The following GAPVD1 variants were observed in gnomAD, a reference collection of about 807,000 sequenced individuals.
GAPVD1 encodes the protein GTPase activating protein and VPS9 domains 1, also known as GTPase-activating protein and VPS9 domain-containing protein 1.
GAPVD1 carries 35 observed loss-of-function variants against 155.5 expected under a neutral mutation model. The observed-to-expected ratio is 0.23, with a 90% CI of 0.17 to 0.30. GAPVD1 has a LOEUF of 0.30. Among genes scored for constraint, GAPVD1 ranks in the 10% least tolerant of loss-of-function variants. The pLI, the probability that GAPVD1 is intolerant of heterozygous loss-of-function variation, is 1.00. For missense variants in GAPVD1, 1,429 were observed against 1,775.7 expected (o/e 0.80, Z 3.51); for synonymous variants, 636 against 619.7 (o/e 1.03, Z -0.39).
intron 1 of GAPVD1, chr9:125,263,650 C>CCAGCCT (rs1833342299): frequency 9.8e-7 from 1 of 1,024,350 alleles, no homozygotes; most frequent in Admixed American, 1.7e-5. Context: ...TGACCCAGCC[C>CCAGCCT]CAGCCTCAGC....
At chr9:125,332,987 A>G (rs573404342) in intron 15 of GAPVD1, among the ~76,000 whole-genome samples, 1 of 152,368 alleles carries the variant, frequency 6.6e-6, no homozygotes, top group African/African-American at 2.4e-5. Flanking sequence ...TTTAAAATGC[A>G]TTAAGGAATA....
chr9:125,339,092 C>T (rs1267819271), intron 17 of GAPVD1, among the ~76,000 whole-genome samples: 1 of 152,134 alleles, frequency 6.6e-6, no homozygotes, highest in East Asian at 1.9e-4. Flanking sequence ...GGCAATCCTC[C>T]CGCTTTGGCC....
intron 2 of GAPVD1, among the ~76,000 whole-genome samples, chr9:125,275,915 C>T (rs1835710244): frequency 6.6e-6 from 1 of 152,132 alleles, no homozygotes; most frequent in African/African-American, 2.4e-5. Flanking sequence ...TTGATATTGT[C>T]TCAGTTGAGT....
At chr9:125,352,823 G>A (rs746553238) in intron 23 of GAPVD1, among the ~76,000 whole-genome samples, 25 of 152,018 alleles carry the variant, frequency 1.6e-4, no homozygotes, top group Non-Finnish European at 3.2e-4. Context: ...AAAACTGTAT[G>A]CTGGCCAGCA....
At chr9:125,334,022 G>A (rs1340722250) in intron 15 of GAPVD1, among the ~76,000 whole-genome samples, 2 of 152,068 alleles carry the variant, frequency 1.3e-5, no homozygotes, top group Non-Finnish European at 2.9e-5. Context: ...GGACAAAATA[G>A]CCACCAATCA....
At chr9:125,283,348 C>G (rs1396435178) in intron 2 of GAPVD1, among the ~76,000 whole-genome samples, 1 of 151,476 alleles carries the variant, frequency 6.6e-6, no homozygotes, top group South Asian at 2.1e-4. Context: ...TGTGAGCCAC[C>G]GCACCCAGCT....
intron 12 of GAPVD1, among the ~76,000 whole-genome samples, chr9:125,328,548 A>G (rs927800490): frequency 4.9e-5 from 7 of 144,166 alleles, no homozygotes; most frequent in East Asian, 4.0e-4. Context: ...ATCCCAAGGC[A>G]GAAGAATTTT....
intron 27 of GAPVD1, 66 bp downstream of exon 27, chr9:125,360,791 A>C (rs1850795435): frequency 1.7e-6 from 2 of 1,156,552 alleles, no homozygotes; most frequent in African/African-American, 1.5e-5. Flanking sequence ...ACAGGGCTTC[A>C]CACAACCATA....
chr9:125,350,366 C>T lies in GAPVD1; in HGVS notation c.3371C>T (p.Ser1124Leu). 6.2e-7 allele frequency: 1 copy of T among 1,608,698 alleles called. No homozygotes were observed. Among genetic ancestry groups the T allele is most frequent in the East Asian group, 2.2e-5 (1 of 44,832 alleles). ...GTTGCCTTCCCAGTGCTGACCCATT[C>T]AACAAGGAATGGTTTACCAGACCAC... ...DSVAFPVLTH[S>L]TRNGLPDHTD... The change falls in exon 22 of 28, where the codon TCA (serine) becomes TTA (leucine). Residue 1124 changes from serine (S) to leucine (L), a missense_variant. By Grantham distance (145) the Ser-to-Leu change is moderately radical (BLOSUM62 -2). Around this residue, in one of 4 missense-constraint regions of GAPVD1, gnomAD observed 699 missense variants for 826.0 expected, o/e 0.85. Transcript: ENST00000297933.
At chr9:125,293,856 A>ATATATAAATATAT (rs1564310959) in intron 2 of GAPVD1, among the ~76,000 whole-genome samples, 93 of 6,164 alleles carry the variant, frequency 0.015, no homozygotes, top group African/African-American at 0.12. Context: ...TATATTTTAT[A>ATATATAAATATAT]TATATATATA....
chr9:125,299,205 C>T (rs575585176), intron 4 of GAPVD1, 99 bp downstream of exon 4: 14 of 626,384 alleles, frequency 2.2e-5, no homozygotes, highest in Non-Finnish European at 3.5e-5. Flanking sequence ...CAACAAAGTG[C>T]ATTATTTAAG....
chr9:125,306,335 G>A (rs140220133), intron 6 of GAPVD1, among the ~76,000 whole-genome samples: 2 of 152,078 alleles, frequency 1.3e-5, no homozygotes, highest in Admixed American at 1.3e-4. Context: ...GCCCCCAAAA[G>A]ATTCTTGATG....
chr9:125,316,021 T>C (rs1754720404), intron 9 of GAPVD1, among the ~76,000 whole-genome samples: 1 of 152,106 alleles, frequency 6.6e-6, no homozygotes, highest in African/African-American at 2.4e-5. Context: ...GTGTTAAATC[T>C]GCCAAATCAC....
intron 2 of GAPVD1, among the ~76,000 whole-genome samples, chr9:125,280,640 A>G (rs192676518): frequency 6.7e-6 from 1 of 149,860 alleles, no homozygotes; most frequent in Non-Finnish European, 1.5e-5. Context: ...CAGTGGCGCA[A>G]TCTTGGCTCA....
intron 8 of GAPVD1, chr9:125,308,582 A>T (rs1387631240): frequency 1.3e-5 from 2 of 152,064 alleles, no homozygotes; most frequent in African/African-American, 4.8e-5. Flanking sequence ...TATTTAATTA[A>T]GCCTTATTTG....
At chr9:125,265,764 A>G (rs1833832543) in intron 1 of GAPVD1, among the ~76,000 whole-genome samples, 1 of 146,192 alleles carries the variant, frequency 6.8e-6, no homozygotes, top group African/African-American at 2.5e-5. Context: ...ATGTGGCAAA[A>G]ATGGTAATTT....
At chr9:125,319,876 TG>T in intron 9 of GAPVD1, among the ~76,000 whole-genome samples, 1 of 152,302 alleles carries the variant, frequency 6.6e-6, no homozygotes, top group Non-Finnish European at 1.5e-5. Flanking sequence ...GTTACAGGCA[TG>T]AGCCGCCACC....
intron 9 of GAPVD1, among the ~76,000 whole-genome samples, chr9:125,316,090 T>G (rs1414263313): frequency 2.6e-5 from 4 of 152,114 alleles, no homozygotes; most frequent in African/African-American, 9.7e-5. Flanking sequence ...ACAGAAAATT[T>G]AGAGAGATCA....
intron 15 of GAPVD1, chr9:125,336,711 A>C (rs1211732750): frequency 3.9e-6 from 1 of 258,922 alleles, no homozygotes; most frequent in Non-Finnish European, 7.4e-6. Flanking sequence ...TTCTCAAAAC[A>C]TTGATGGTTT....
Sources: gnomAD v4.1 joint callset for allele counts (sites outside exome capture counted in the v4.1 genomes callset) on GRCh38, gnomAD v4.1.1 for gene constraint, gnomAD v4.1.1 regional missense constraint, MANE v1.5 for transcripts, NCBI Gene and HGNC (gene_info 2026-07-23, HGNC 2026-07-21) for gene names.